The following C12orf57 variants were observed in gnomAD, a reference collection of about 807,000 sequenced individuals.
C12orf57 encodes chromosome 12 open reading frame 57.
A neutral mutation model predicts 11.3 loss-of-function variants in C12orf57; 14 were observed. The observed-to-expected ratio is 1.24, with a 90% CI of 0.82 to 1.94. The LOEUF (loss-of-function observed/expected upper bound fraction) is 1.94, where lower values mean the gene tolerates loss of function less well. C12orf57 is among the 30% of genes most tolerant of loss of function. The pLI is 0.00. For synonymous variants in C12orf57, 100 were observed against 74.6 expected, an observed-to-expected ratio of 1.34 and a Z score of -1.76; for missense variants, 229 against 172.4, an observed-to-expected ratio of 1.33 and a Z score of -1.84.
Position 6,944,599 on chromosome 12 carries a change from C to T in C12orf57, c.176C>T (p.Thr59Met). The T allele has an allele frequency of 6.2e-7, 1 of 1,614,190 alleles. No homozygotes were observed. Among genetic ancestry groups the T allele is most frequent in the Non-Finnish European group, 8.5e-7 (1 of 1,180,032 alleles). Residue 59 changes from threonine (T) to methionine (M), a missense_variant, in exon 2 of 3, where the codon ACG (threonine) becomes ATG (methionine). Transcript: ENST00000229281. ...CTGCAATTCGTGCTGCCCGTGGCCA[C>T]GCAGATCCAGCAGGAGGTTATCAAA... is the stretch of plus-strand genomic sequence containing the variant. ...KMLQFVLPVA[T>M]QIQQEVIKAY... is the part of the protein sequence containing the mutation.
chr12:6,943,915 CTG>C (rs1474529725), upstream of C12orf57: 1 of 1,237,748 alleles, frequency 8.1e-7, no homozygotes, highest in Admixed American at 2.8e-5. Context: ...ATTGTTTTCA[CTG>C]TGCAAAAATT....
chr12:6,943,475 C>A, upstream of C12orf57: 1 of 1,259,364 alleles, frequency 7.9e-7, no homozygotes, highest in Non-Finnish European at 1.0e-6. Context: ...CATCGCTCAT[C>A]AATAGACAAG....
At chr12:6,943,808 A>C (rs782496428), upstream of C12orf57, 20 of 871,112 alleles carry the variant, frequency 2.3e-5, no homozygotes, top group Non-Finnish European at 3.2e-5. Flanking sequence ...CTCCAAACAC[A>C]TACGCAGCAG....
chr12:6,945,739 G>A, intron 2 of C12orf57, 32 bp from the exon 3 acceptor site: 5 of 1,610,578 alleles, frequency 3.1e-6, no homozygotes, highest in Non-Finnish European at 4.2e-6. Context: ...TGGTCCTTAG[G>A]AGAAGGGTTG....
chr12:6,943,818 G>A (rs764764350), upstream of C12orf57: 46 of 850,012 alleles, frequency 5.4e-5, no homozygotes, highest in Middle Eastern at 3.9e-4. Flanking sequence ...ATACGCAGCA[G>A]TGTTACAGCT....
chr12:6,943,927 T>G (rs782535843), upstream of C12orf57: 4 of 1,327,100 alleles, frequency 3.0e-6, no homozygotes, highest in African/African-American at 3.0e-5. Context: ...GTGCAAAAAT[T>G]ATGGGTAGTT....
chr12:6,943,983 G>GC (rs1219508486), upstream of C12orf57: 13 of 1,578,840 alleles, frequency 8.2e-6, no homozygotes, highest in African/African-American at 1.4e-5. Flanking sequence ...GAAGGTTTGG[G>GC]CCACGCCTGG....
chr12:6,944,730 C>T (rs782021766), intron 2 of C12orf57, 78 bp downstream of exon 2: 25 of 1,591,084 alleles, frequency 1.6e-5, no homozygotes, highest in Middle Eastern at 1.7e-4. Context: ...ATCTGTGGGC[C>T]CATGAGCGGT....
upstream of C12orf57, chr12:6,944,003 G>T (rs782482974): frequency 1.1e-5 from 17 of 1,594,736 alleles, no homozygotes; most frequent in African/African-American, 2.7e-5. Context: ...GGCGCTTCCG[G>T]CTGCGCCGGA....
At chr12:6,943,945 T>C (rs1350679573), upstream of C12orf57, 3 of 1,452,828 alleles carry the variant, frequency 2.1e-6, no homozygotes, top group South Asian at 1.3e-5. Context: ...GTTTTGGTGG[T>C]CTTGATGCAG....
rs1043208534 is a variant in C12orf57 at position 6,944,047 on chromosome 12, A to C, written c.-75A>C. On this transcript the variant is annotated 5_prime_UTR_variant, in exon 1 of 3. Coordinates refer to ENST00000229281, the MANE Select transcript of C12orf57 (RefSeq NM_138425.4). ...CCTTTCCGCTCCCAGGGGCGTTGGG[A>C]ACGGTTGTAGGACGTGGCTCTTTAT... is the stretch of plus-strand genomic sequence containing the variant. 1 of 1,611,584 alleles carries C rather than the reference A, an allele frequency of 6.2e-7. No individual in the cohort carries two copies. Among genetic ancestry groups the C allele is most frequent in the Middle Eastern group, 1.6e-4 (1 of 6,062 alleles).
intron 2 of C12orf57, 25 bp from the exon 3 acceptor site, chr12:6,945,746 G>T (rs781800298): frequency 6.2e-7 from 1 of 1,611,822 alleles, no homozygotes; most frequent in Non-Finnish European, 8.5e-7. Context: ...TAGGAGAAGG[G>T]TTGACCTTCC....
chr12:6,943,781 T>C (rs190895009), upstream of C12orf57: 235 of 976,708 alleles, frequency 2.4e-4, 2 homozygotes, highest in African/African-American at 3.4e-3. Context: ...GTGGAGTTCC[T>C]TTATATCCCA....
At position 6,944,043 on chromosome 12, in the gene C12orf57, T is replaced by G. The variant is rs1052194315; in HGVS notation, c.-79T>G. 25 of 1,611,438 alleles carry G rather than the reference T, an allele frequency of 1.6e-5. No homozygotes were observed. In the African/African-American group the frequency reaches 1.7e-4, roughly 11 times the overall value. The stretch of plus-strand genomic sequence containing the variant: ...GTTTCCTTTCCGCTCCCAGGGGCGT[T>G]GGGAACGGTTGTAGGACGTGGCTCT... On this transcript the variant is annotated 5_prime_UTR_variant, in exon 1 of 3. Transcript: ENST00000229281.
At chr12:6,944,005 T>C (rs782735567), upstream of C12orf57, 56 of 1,594,674 alleles carry the variant, frequency 3.5e-5, no homozygotes, top group Non-Finnish European at 4.5e-5. Context: ...CGCTTCCGGC[T>C]GCGCCGGATG....
Position 6,944,052 on chromosome 12 carries a change from T to C in C12orf57, c.-70T>C. 4.3e-6 allele frequency: 7 copies of C among 1,611,648 alleles called. No homozygotes were observed. Among genetic ancestry groups the C allele is most frequent in the Non-Finnish European group, 5.9e-6 (7 of 1,179,316 alleles). On this transcript the variant is annotated 5_prime_UTR_variant, in exon 1 of 3. Transcript: ENST00000229281. ...CCGCTCCCAGGGGCGTTGGGAACGG[T>C]TGTAGGACGTGGCTCTTTATTCGTG...
upstream of C12orf57, chr12:6,943,974 A>C: frequency 6.4e-7 from 1 of 1,565,026 alleles, no homozygotes; most frequent in Non-Finnish European, 8.6e-7. Context: ...TTGGGGTATG[A>C]AGGTTTGGGC....
chr12:6,943,889 T>A (rs147736104), upstream of C12orf57: 1 of 1,054,660 alleles, frequency 9.5e-7, no homozygotes, highest in South Asian at 1.7e-5. Flanking sequence ...CTTATGATGT[T>A]TGTTGCCAAT....
chr12:6,943,752 A>G (rs1945687691), upstream of C12orf57: 1 of 1,152,144 alleles, frequency 8.7e-7, no homozygotes. Flanking sequence ...AAAGTCACCT[A>G]AGCTCACCCT....
Sources: gnomAD v4.1 joint callset for allele counts on GRCh38, gnomAD v4.1.1 for gene constraint, MANE v1.5 for transcripts, NCBI Gene and HGNC (gene_info 2026-07-23, HGNC 2026-07-21) for gene names.